The following PCDH7 variants were observed in gnomAD, a reference collection of about 807,000 sequenced individuals.
PCDH7 encodes protocadherin-7.
A neutral mutation model predicts 58.9 loss-of-function variants in PCDH7; 17 were observed. The ratio of observed to expected loss-of-function variants is 0.29; its 90% CI spans 0.20 to 0.43. The LOEUF (loss-of-function observed/expected upper bound fraction) is 0.43. PCDH7 is among the 20% of genes least tolerant of loss of function. The probability of loss-of-function intolerance (pLI) is 1.00; values close to 1 mark genes in which losing one functional copy is unlikely to be tolerated. For synonymous variants in PCDH7, 664 were observed against 616.4 expected (o/e 1.08, Z -1.14); for missense variants, 1,274 against 1,441.0 (o/e 0.88, Z 1.88).
chr4:31,023,083 A>T (rs1205156979), intron 3 of PCDH7, among the ~76,000 whole-genome samples: 2 of 152,222 alleles, frequency 1.3e-5, no homozygotes, highest in Non-Finnish European at 2.9e-5. Flanking sequence ...ACATTGAAAC[A>T]AAACTTAAGA....
intron 1 of PCDH7, among the ~76,000 whole-genome samples, chr4:30,757,896 T>C (rs1719522411): frequency 6.6e-6 from 1 of 152,004 alleles, no homozygotes; most frequent in Non-Finnish European, 1.5e-5. Flanking sequence ...AACATTCATA[T>C]AATGCATATG....
At chr4:31,058,784 T>C (rs969627503) in intron 3 of PCDH7, among the ~76,000 whole-genome samples, 4 of 151,936 alleles carry the variant, frequency 2.6e-5, no homozygotes, top group African/African-American at 7.2e-5. Flanking sequence ...CTTTAGATAA[T>C]GATGGAGTTT....
At chr4:30,825,759 T>C (rs945244002) in intron 1 of PCDH7, among the ~76,000 whole-genome samples, 13 of 145,792 alleles carry the variant, frequency 8.9e-5, no homozygotes, top group African/African-American at 3.4e-4. Context: ...TATCAAAAGG[T>C]ATTAATGTAC....
At chr4:31,055,154 T>C (rs760756877) in intron 3 of PCDH7, among the ~76,000 whole-genome samples, 28 of 152,112 alleles carry the variant, frequency 1.8e-4, no homozygotes, top group Non-Finnish European at 2.9e-4. Flanking sequence ...TCTCCTTAAC[T>C]GATATTTTTT....
chr4:30,743,417 CA>C (rs1174947971), intron 1 of PCDH7, among the ~76,000 whole-genome samples: 2 of 147,056 alleles, frequency 1.4e-5, no homozygotes, highest in Non-Finnish European at 3.0e-5. Flanking sequence ...CTCAGGGGTT[CA>C]AAAAATGGCT....
At chr4:31,043,581 C>G (rs1756056268) in intron 3 of PCDH7, among the ~76,000 whole-genome samples, 1 of 152,068 alleles carries the variant, frequency 6.6e-6, no homozygotes, top group Non-Finnish European at 1.5e-5. Context: ...TGAATGTCTT[C>G]TTTTGAGAAC....
intron 1 of PCDH7, among the ~76,000 whole-genome samples, chr4:30,879,547 G>A (rs189405796): frequency 4.6e-5 from 7 of 152,074 alleles, no homozygotes; most frequent in African/African-American, 9.6e-5. Context: ...AAGTCTGTCT[G>A]TACTGAACCT....
intron 1 of PCDH7, among the ~76,000 whole-genome samples, chr4:30,908,947 G>A (rs1741359003): frequency 6.6e-6 from 1 of 152,074 alleles, no homozygotes; most frequent in African/African-American, 2.4e-5. Flanking sequence ...TACTGGCAAA[G>A]CAAATGCAGT....
At chr4:30,909,285 C>T (rs966061700) in intron 1 of PCDH7, among the ~76,000 whole-genome samples, 3 of 152,136 alleles carry the variant, frequency 2.0e-5, no homozygotes, top group East Asian at 3.9e-4. Context: ...CAAGGATGCC[C>T]TCTCTCACCA....
At chr4:30,847,590 A>T (rs1164306581) in intron 1 of PCDH7, among the ~76,000 whole-genome samples, 1 of 152,178 alleles carries the variant, frequency 6.6e-6, no homozygotes, top group Admixed American at 6.5e-5. Context: ...TGAACATGGA[A>T]TTTTTTCATA....
At chr4:30,740,087 A>C (rs2109247372) in intron 1 of PCDH7, among the ~76,000 whole-genome samples, 1 of 152,322 alleles carries the variant, frequency 6.6e-6, no homozygotes, top group East Asian at 1.9e-4. Flanking sequence ...AGCGTTAAGT[A>C]ACTTGCTCAT....
intron 3 of PCDH7, among the ~76,000 whole-genome samples, chr4:31,055,657 A>G (rs1578672040): frequency 6.6e-6 from 1 of 151,634 alleles, no homozygotes; most frequent in Non-Finnish European, 1.5e-5. Flanking sequence ...GCTCGCTGCA[A>G]CCTCCACCTC....
At chr4:31,082,873 C>T (rs1711717925) in intron 3 of PCDH7, among the ~76,000 whole-genome samples, 2 of 152,068 alleles carry the variant, frequency 1.3e-5, no homozygotes, top group Admixed American at 1.3e-4. Context: ...AGGCCAAGGG[C>T]CAAGGTGGGC....
At chr4:30,880,065 T>C (rs573582442) in intron 1 of PCDH7, among the ~76,000 whole-genome samples, 1 of 152,204 alleles carries the variant, frequency 6.6e-6, no homozygotes. Flanking sequence ...GATTGACTCA[T>C]GGAATATTTA....
At chr4:30,970,626 C>T (rs1324952394) in intron 3 of PCDH7, among the ~76,000 whole-genome samples, 1 of 152,090 alleles carries the variant, frequency 6.6e-6, no homozygotes, top group East Asian at 1.9e-4. Flanking sequence ...ACACTTTTTT[C>T]TTTCCTCTTA....
chr4:30,963,198 C>G (rs1748636082), intron 3 of PCDH7, among the ~76,000 whole-genome samples: 1 of 152,124 alleles, frequency 6.6e-6, no homozygotes, highest in Non-Finnish European at 1.5e-5. Context: ...TCTAATCAAT[C>G]AAAAAGAAGC....
chr4:30,949,891 G>GCTA (rs59784511), intron 2 of PCDH7, among the ~76,000 whole-genome samples: 1 of 151,892 alleles, frequency 6.6e-6, no homozygotes, highest in Non-Finnish European at 1.5e-5. Flanking sequence ...GCAGCCAACT[G>GCTA]GGTCCCTGGA....
At chr4:30,813,610 T>C (rs182916920) in intron 1 of PCDH7, among the ~76,000 whole-genome samples, 24 of 152,326 alleles carry the variant, frequency 1.6e-4, no homozygotes, top group East Asian at 1.2e-3. Flanking sequence ...TTGCTTCAAG[T>C]CAATGTCACT....
intron 1 of PCDH7, among the ~76,000 whole-genome samples, chr4:30,775,910 A>G (rs560427080): frequency 6.6e-6 from 1 of 152,234 alleles, no homozygotes; most frequent in East Asian, 1.9e-4. Context: ...AAAAAAAGAT[A>G]TGAGTTATGA....
Sources: allele counts gnomAD v4.1 joint callset (sites outside exome capture counted in the v4.1 genomes callset), GRCh38; gene constraint gnomAD v4.1.1; transcripts MANE v1.5; gene names NCBI Gene and HGNC (gene_info 2026-07-23, HGNC 2026-07-21).